Variants in DYSF observed in about 807,000 individuals in gnomAD.
DYSF encodes dystrophy-associated fer-1-like 1.
Under a neutral mutation model 274.9 loss-of-function variants are expected in DYSF, and 212 were observed. The observed-to-expected ratio is 0.77, with a 90% CI of 0.69 to 0.86. DYSF has a LOEUF of 0.86. DYSF is among the 40% of genes least tolerant of loss of function. The pLI, the probability that DYSF is intolerant of heterozygous loss-of-function variation, is 0.00. For missense variants in DYSF, 2,666 were observed against 2,783.2 expected, an observed-to-expected ratio of 0.96 and a Z score of 0.95; for synonymous variants, 1,091 against 1,078.7, an observed-to-expected ratio of 1.01 and a Z score of -0.22.
intron 32 of DYSF, among the ~76,000 whole-genome samples, 190 bp from the exon 33 acceptor site, chr2:71,598,374 G>A (rs2093456875): frequency 6.6e-6 from 1 of 152,220 alleles, no homozygotes; most frequent in African/African-American, 2.4e-5. Flanking sequence ...CCCCACCGTG[G>A]CCTCCAGCTG....
chr2:71,602,488 C>T (rs934484495), intron 35 of DYSF, among the ~76,000 whole-genome samples: 16 of 152,312 alleles, frequency 1.1e-4, no homozygotes, highest in Admixed American at 1.0e-3. Context: ...TTTGTTGCTT[C>T]CAGAGATTCC....
chr2:71,571,177 C>T (rs2092410445), intron 29 of DYSF, among the ~76,000 whole-genome samples: 1 of 151,172 alleles, frequency 6.6e-6, no homozygotes. Flanking sequence ...CCAAAGATCA[C>T]ACCCAGCACA....
chr2:71,573,065 T>C (rs1324514328), intron 29 of DYSF, among the ~76,000 whole-genome samples: 2 of 152,230 alleles, frequency 1.3e-5, no homozygotes, highest in African/African-American at 2.4e-5. Context: ...GTCTATGATC[T>C]TCCTTCCTAA....
rs377706756 is a variant in DYSF at position 71,612,740 on chromosome 2, C to T, written c.4321C>T (p.Arg1441Cys). The change falls in exon 39 of 56, where the codon CGC becomes TGC. Residue 1441 changes from arginine (R) to cysteine (C), a missense_variant. Transcript: ENST00000410020. The part of the protein sequence containing the change: ...RRPVVGQCTI[R>C]SLESFLCDPY... ...GCCTGTGGTGGGCCAGTGTACCATC[C>T]GCTCCCTGGAGAGCTTCCTGTGTGA... is the stretch of plus-strand genomic sequence containing the variant. 4.5e-5 allele frequency: 72 copies of T among 1,614,138 alleles called. No individual in the cohort carries two copies. Among genetic ancestry groups the T allele is most frequent in the African/African-American group, 1.9e-4 (14 of 75,038 alleles).
rs2092614486 is a variant in DYSF, at chr2:71,574,047, G to C, written c.3229-151G>C. 8 of 890,002 alleles carry C rather than the reference G, an allele frequency of 9.0e-6. No individual in the cohort carries two copies. The South Asian group carries it at 1.3e-4, about 14-fold the overall frequency. 55.1% of individuals were successfully genotyped at this position (890,002 alleles called of 1,614,324 possible). A position where few individuals can be genotyped will look rare whatever the true frequency, so the allele number is the denominator to read the frequency against. On this transcript the variant is annotated intron_variant, in intron 29 of 55. Transcript: ENST00000410020. Reference sequence around the variant, plus strand: ...GCTGCAGAAAGCCCCTCTCCTCTAGGTGGCCCTCCCAGGTTTTCCCACCTG... The same window carrying C: ...GCTGCAGAAAGCCCCTCTCCTCTAGCTGGCCCTCCCAGGTTTTCCCACCTG...
At chr2:71,484,266 C>A (rs2083189861) in intron 3 of DYSF, among the ~76,000 whole-genome samples, 1 of 151,986 alleles carries the variant, frequency 6.6e-6, no homozygotes, top group Non-Finnish European at 1.5e-5. Flanking sequence ...TTGGCCAGAG[C>A]AGTCTTGAAC....
intron 40 of DYSF, among the ~76,000 whole-genome samples, chr2:71,618,350 GGT>G (rs1186491525): frequency 7.8e-4 from 4 of 5,148 alleles, no homozygotes; most frequent in Non-Finnish European, 8.1e-4. Flanking sequence ...GTGGTAGAGG[GGT>G]GTGTGTGTGG....
intron 14 of DYSF, among the ~76,000 whole-genome samples, chr2:71,532,834 A>T (rs537372477): frequency 7.1e-5 from 7 of 98,920 alleles, no homozygotes; most frequent in East Asian, 2.9e-4. Context: ...CATTTATTCT[A>T]TCTATCTATC....
intron 3 of DYSF, among the ~76,000 whole-genome samples, chr2:71,486,184 GT>G (rs2083347022): frequency 6.6e-6 from 1 of 152,020 alleles, no homozygotes; most frequent in African/African-American, 2.4e-5. Context: ...CGTGTCTTCT[GT>G]GAGCTCCCCC....
intron 55 of DYSF, among the ~76,000 whole-genome samples, chr2:71,683,993 T>C (rs555888529): frequency 1.4e-4 from 22 of 152,222 alleles, no homozygotes; most frequent in Non-Finnish European, 3.1e-4. Flanking sequence ...CCAGCTACCA[T>C]CTGGGCCATA....
At chr2:71,465,421 G>A (rs112228256), upstream of DYSF, among the ~76,000 whole-genome samples, 3,035 of 152,188 alleles carry the variant, frequency 0.02, 90 homozygotes, top group African/African-American at 0.07. Context: ...TTGGGCGATG[G>A]GGTGTCCTAG....
intron 52 of DYSF, among the ~76,000 whole-genome samples, chr2:71,678,160 A>G (rs1484643927): frequency 1.3e-5 from 2 of 152,238 alleles, no homozygotes; most frequent in Non-Finnish European, 2.9e-5. Context: ...AGGGAATTTT[A>G]TAGAATATTT....
intron 41 of DYSF, among the ~76,000 whole-genome samples, chr2:71,624,565 G>T (rs1241843589): frequency 6.6e-6 from 1 of 152,058 alleles, no homozygotes; most frequent in Non-Finnish European, 1.5e-5. Context: ...CACTGTTTAT[G>T]AACTTAAATT....
Position 71,520,943 on chromosome 2 carries a change from C to G in DYSF, c.1149+39C>G. On this transcript the variant is annotated intron_variant, in intron 12 of 55. Coordinates refer to ENST00000410020, the MANE Select transcript of DYSF (RefSeq NM_001130987.2). ...CCTGGGTCTTCCTTACGGTCCCCCA[C>G]GCGGCACTTGGTTGCGGAGGCACCA... 1.9e-6 allele frequency: 3 copies of G among 1,591,842 alleles called. No homozygotes were observed. In the South Asian group the frequency reaches 3.3e-5, roughly 18 times the overall value.
At chr2:71,549,187 C>T (rs911500638) in intron 17 of DYSF, among the ~76,000 whole-genome samples, 4 of 152,054 alleles carry the variant, frequency 2.6e-5, no homozygotes, top group African/African-American at 9.7e-5. Context: ...GATAAATTCA[C>T]AGCTGGGCAG....
At chr2:71,643,334 C>T (rs2094516653) in intron 41 of DYSF, among the ~76,000 whole-genome samples, 1 of 152,220 alleles carries the variant, frequency 6.6e-6, no homozygotes, top group African/African-American at 2.4e-5. Context: ...CTGTCACATA[C>T]TTCCTTTCTT....
intron 4 of DYSF, among the ~76,000 whole-genome samples, chr2:71,510,394 G>A (rs909307551): frequency 2.0e-5 from 3 of 152,162 alleles, no homozygotes; most frequent in African/African-American, 7.2e-5. Context: ...CTCACGTGGC[G>A]ACACCTGGTG....
At position 71,620,617 on chromosome 2, in the gene DYSF, C is replaced by G; in HGVS notation, c.4527+8C>G. 4 of 1,524,972 alleles carry G rather than the reference C, an allele frequency of 2.6e-6. No homozygotes were observed. The South Asian group carries it at 4.8e-5, about 18-fold the overall frequency. The allele number at this position is 1,524,972 out of a possible 1,614,324, so 94.5% of individuals were successfully genotyped here. A position where few individuals can be genotyped will look rare whatever the true frequency, so the allele number is the denominator to read the frequency against. The stretch of plus-strand genomic sequence containing the variant: ...CCTCCATCCAGTCCTCATGTATGTA[C>G]TGTTTACTTATTTGTGGGCTCCTTG... On this transcript the variant is annotated splice_region_variant and intron_variant, in intron 41 of 55. Transcript: ENST00000410020.
intron 42 of DYSF, among the ~76,000 whole-genome samples, chr2:71,653,391 C>T (rs1358831799): frequency 6.6e-6 from 1 of 151,956 alleles, no homozygotes; most frequent in Admixed American, 6.6e-5. Context: ...TTCACAATAG[C>T]AAAGACTTGG....
Sources: gnomAD v4.1 joint callset for allele counts (sites outside exome capture counted in the v4.1 genomes callset) on GRCh38, gnomAD v4.1.1 for gene constraint, MANE v1.5 for transcripts, NCBI Gene and HGNC (gene_info 2026-07-23, HGNC 2026-07-21) for gene names.